Variants in GRAMD4 observed in about 807,000 individuals in gnomAD.
GRAMD4 encodes GRAM domain containing 4, also known as GRAM domain-containing protein 4.
In GRAMD4, 25 loss-of-function variants were observed where a neutral mutation model predicts 83.9. The observed-to-expected ratio is 0.30, with a 90% confidence interval of 0.22 to 0.42. The LOEUF is 0.42. GRAMD4 is among the 10% of genes least tolerant of loss of function. The pLI, the probability that GRAMD4 is intolerant of heterozygous loss-of-function variation, is 1.00. For synonymous variants in GRAMD4, 336 were observed against 320.9 expected (o/e 1.05, Z -0.50); for missense variants, 593 against 788.7 (o/e 0.75, Z 2.97).
Position 46,621,230 on chromosome 22 carries a change from A to G in GRAMD4, c.-50+665A>G, listed in dbSNP as rs540185171. ...CTGGCCTGAGGTGCAGCCTGGAGCT[A>G]TGCTCAGTGTGTAGACGGGCCTTGG... On this transcript the variant is annotated intron_variant, in intron 1 of 18. Transcript: ENST00000406902. This position sits in a 1 kb window ranked among gnomAD's most constrained non-coding sequence, Gnocchi z 5.8. Among the ~76,000 whole-genome samples, 10 of 152,132 alleles carry G rather than the reference A, an allele frequency of 6.6e-5. No homozygotes were observed. The highest frequency in any genetic ancestry group is 1.5e-4 in the Non-Finnish European group (10 of 68,006).
chr22:46,660,247 T>C (rs1343380661), intron 4 of GRAMD4, among the ~76,000 whole-genome samples: 3 of 152,144 alleles, frequency 2.0e-5, no homozygotes. Flanking sequence ...ATCCAGGCTG[T>C]GACCCAGGAA....
intron 3 of GRAMD4, among the ~76,000 whole-genome samples, chr22:46,651,917 A>C (rs774155196): frequency 6.6e-6 from 1 of 152,232 alleles, no homozygotes; most frequent in East Asian, 1.9e-4. Context: ...GGACCCACTA[A>C]AGGAGGGCTT....
In GRAMD4 at chr22:46,598,004, CAG is replaced by C. The variant is rs1491099087; in HGVS notation, c.-50+20717_-50+20718del. Among the ~76,000 whole-genome samples the C allele has an allele frequency of 5.3e-5, 8 of 151,894 alleles. No homozygotes were observed. In the East Asian group the frequency reaches 1.6e-3, roughly 30 times the overall value. On this transcript the variant is annotated intron_variant, in intron 1 of 1. Coordinates refer to the GRAMD4 transcript ENST00000431155. ...CTTTTGTTTTGTTTTGTTTTTGAGA[CAG>C]AGTCTTGCTGTGTCGCCCAGGCTGG... is the stretch of plus-strand genomic sequence containing the variant.
chr22:46,667,115 C>T (rs2082422052), intron 10 of GRAMD4, among the ~76,000 whole-genome samples: 1 of 152,244 alleles, frequency 6.6e-6, no homozygotes. Context: ...AGCAGATTGC[C>T]TGGCCCTGGC....
chr22:46,586,423 C>T (rs774107471), intron 1 of GRAMD4, among the ~76,000 whole-genome samples: 1 of 152,102 alleles, frequency 6.6e-6, no homozygotes, highest in East Asian at 1.9e-4. Flanking sequence ...TCTGTCCCCT[C>T]CTCTGTCTGC....
At chr22:46,651,512 T>C (rs75917383) in intron 3 of GRAMD4, among the ~76,000 whole-genome samples, 469 of 152,338 alleles carry the variant, frequency 3.1e-3, no homozygotes, top group African/African-American at 9.9e-3. Flanking sequence ...GCAGGTGTGA[T>C]ATCACACGCA....
At chr22:46,670,878 C>CA (rs1187451671) in intron 13 of GRAMD4, among the ~76,000 whole-genome samples, 2 of 151,970 alleles carry the variant, frequency 1.3e-5, no homozygotes, top group African/African-American at 4.8e-5. Context: ...GCTAGGATTC[C>CA]AGGCGTGAGC....
intron 1 of GRAMD4, among the ~76,000 whole-genome samples, chr22:46,623,586 T>G (rs889542014): frequency 6.6e-6 from 1 of 151,746 alleles, no homozygotes; most frequent in African/African-American, 2.4e-5. Flanking sequence ...TTAGTAGAGA[T>G]GCAGTTTCAC....
intron 1 of GRAMD4, among the ~76,000 whole-genome samples, chr22:46,606,794 A>G (rs971499459): frequency 4.6e-5 from 7 of 152,248 alleles, no homozygotes; most frequent in African/African-American, 1.7e-4. Flanking sequence ...GGTTATTTCC[A>G]CCTCTTGGCT....
chr22:46,666,376 G>A (rs757187867), intron 9 of GRAMD4, among the ~76,000 whole-genome samples: 4 of 152,226 alleles, frequency 2.6e-5, no homozygotes, highest in African/African-American at 4.8e-5. Flanking sequence ...TGACTTGGCC[G>A]TTCAAAAGTT....
chr22:46,640,991 A>G (rs1490383132), intron 3 of GRAMD4, among the ~76,000 whole-genome samples: 1 of 152,190 alleles, frequency 6.6e-6, no homozygotes, highest in Non-Finnish European at 1.5e-5. Flanking sequence ...CAGCTGTCCA[A>G]CTTAAGCTCA....
At chr22:46,646,199 G>A (rs907848437) in intron 3 of GRAMD4, among the ~76,000 whole-genome samples, 3 of 152,220 alleles carry the variant, frequency 2.0e-5, no homozygotes, top group Non-Finnish European at 2.9e-5. Context: ...CCCTCGTAGC[G>A]CCAGACACGG....
chr22:46,582,792 T>C (rs759154125), intron 1 of GRAMD4, among the ~76,000 whole-genome samples: 2 of 152,188 alleles, frequency 1.3e-5, no homozygotes, highest in Non-Finnish European at 2.9e-5. Flanking sequence ...AAGTGCACAG[T>C]TCACGGACTT....
At chr22:46,662,614 G>C (rs1033142825) in intron 5 of GRAMD4, among the ~76,000 whole-genome samples, 3 of 152,238 alleles carry the variant, frequency 2.0e-5, no homozygotes, top group Non-Finnish European at 4.4e-5. Context: ...AGGATATGCA[G>C]GGCTGGGGCA....
chr22:46,593,692 C>T (rs2081232831), intron 1 of GRAMD4, among the ~76,000 whole-genome samples: 1 of 152,086 alleles, frequency 6.6e-6, no homozygotes, highest in Non-Finnish European at 1.5e-5. Context: ...TGTTGGGCGT[C>T]TGTGCATAGT....
chr22:46,678,064 A>G lies in GRAMD4; in HGVS notation c.*813A>G. Reference sequence around the variant, plus strand: ...CACAGGATGGTGCAGGTAAAAGCACATCTTTCTCACACTTTGCTCTTTGGA... The same window carrying G: ...CACAGGATGGTGCAGGTAAAAGCACGTCTTTCTCACACTTTGCTCTTTGGA... On this transcript the variant is annotated 3_prime_UTR_variant, in exon 19 of 19. Coordinates refer to ENST00000406902, the MANE Select transcript of GRAMD4 (RefSeq NM_015124.5). The G allele has an allele frequency of 1.0e-6, 1 of 985,580 alleles. No individual in the cohort carries two copies. The highest frequency in any genetic ancestry group is 1.2e-6 in the Non-Finnish European group (1 of 830,034). 61.1% of individuals were successfully genotyped at this position (985,580 alleles called of 1,614,324 possible).
chr22:46,631,152 A>G (rs1312511094), intron 2 of GRAMD4, among the ~76,000 whole-genome samples: 1 of 152,220 alleles, frequency 6.6e-6, no homozygotes. Flanking sequence ...TGTTGTGGTA[A>G]AATACACAGA....
chr22:46,637,950 A>G lies in GRAMD4; in HGVS notation c.273A>G (p.Lys91=), dbSNP rs1353103888. The G allele has an allele frequency of 6.2e-7, 1 of 1,613,818 alleles. No individual in the cohort carries two copies. Among genetic ancestry groups the G allele is most frequent in the Admixed American group, 1.7e-5 (1 of 60,010 alleles). Residue 91 remains lysine (K), a synonymous_variant, in exon 3 of 19, where the codon AAA becomes AAG. Coordinates refer to ENST00000406902, the MANE Select transcript of GRAMD4 (RefSeq NM_015124.5). ...KGHLEIALLE[K]HFLQEELRKL... ...ACCTGGAAATTGCCTTATTGGAAAA[A>G]CATTTCTTACGTGAGTACCAGAAAG...
intron 2 of GRAMD4, among the ~76,000 whole-genome samples, chr22:46,637,095 C>T (rs980087112): frequency 1.3e-5 from 2 of 152,108 alleles, no homozygotes; most frequent in South Asian, 2.1e-4. Flanking sequence ...CAGTGTGGCT[C>T]GTGGAGGCGC....
Sources: gnomAD v4.1 joint callset for allele counts (sites outside exome capture counted in the v4.1 genomes callset) on GRCh38, gnomAD v4.1.1 for gene constraint, Gnocchi (gnomAD v3.1) non-coding constraint, MANE v1.5 for transcripts, NCBI Gene and HGNC (gene_info 2026-07-23, HGNC 2026-07-21) for gene names.